Variants in CDH23 observed in about 807,000 individuals in gnomAD.
CDH23 encodes the protein cadherin related 23.
CDH23 carries 189 observed loss-of-function variants against 317.1 expected under a neutral mutation model. That is an observed-to-expected ratio of 0.60 (90% confidence interval 0.53 to 0.67). The LOEUF (loss-of-function observed/expected upper bound fraction) is 0.67, where lower values mean the gene tolerates loss of function less well. CDH23 is among the 30% of genes least tolerant of loss of function. The pLI, the probability that CDH23 is intolerant of heterozygous loss-of-function variation, is 0.00. For missense variants in CDH23, 4,401 were observed against 4,592.4 expected, an observed-to-expected ratio of 0.96 and a Z score of 1.20; for synonymous variants, 1,839 against 1,876.8, an observed-to-expected ratio of 0.98 and a Z score of 0.52.
intron 6 of CDH23, among the ~76,000 whole-genome samples, chr10:71,550,574 A>G (rs1237186020): frequency 3.5e-5 from 4 of 113,336 alleles, no homozygotes; most frequent in Admixed American, 8.1e-5. Context: ...AAAAAAAAAA[A>G]AAAGAAAAAA....
chr10:71,586,460 A>G (rs758009122), intron 9 of CDH23, among the ~76,000 whole-genome samples: 29 of 152,182 alleles, frequency 1.9e-4, no homozygotes, highest in Non-Finnish European at 3.5e-4. Context: ...CTCACGATTA[A>G]CATTGGTCCA....
intron 6 of CDH23, among the ~76,000 whole-genome samples, chr10:71,532,727 G>GTTTTTTTTTTTT (rs200038577): frequency 3.2e-5 from 3 of 93,930 alleles, no homozygotes; most frequent in Admixed American, 1.3e-4. Context: ...TTTTTTTTTT[G>GTTTTTTTTTTTT]TTTTTTTTTT....
At chr10:71,468,347 C>A (rs573804522) in intron 3 of CDH23, among the ~76,000 whole-genome samples, 2 of 152,316 alleles carry the variant, frequency 1.3e-5, no homozygotes, top group Admixed American at 1.3e-4. Flanking sequence ...TGAAGCATTG[C>A]TCTCTTGGTG....
chr10:71,438,719 G>A (rs142843824), intron 1 of CDH23, among the ~76,000 whole-genome samples: 11 of 152,334 alleles, frequency 7.2e-5, no homozygotes, highest in Non-Finnish European at 1.6e-4. Flanking sequence ...ATTGACAAGA[G>A]AGATAGGACA....
chr10:71,688,333 C>A (rs1864990233), intron 19 of CDH23, among the ~76,000 whole-genome samples: 1 of 152,196 alleles, frequency 6.6e-6, no homozygotes, highest in African/African-American at 2.4e-5. Context: ...GCTGCAGTGG[C>A]TGAAGGAGAC....
chr10:71,765,781 G>T (rs1840525846), intron 38 of CDH23, among the ~76,000 whole-genome samples: 1 of 152,018 alleles, frequency 6.6e-6, no homozygotes, highest in South Asian at 2.1e-4. Flanking sequence ...TCCCCTTTTA[G>T]AAAAAAGCTG....
chr10:71,575,468 C>T (rs966682751), intron 8 of CDH23, among the ~76,000 whole-genome samples: 6 of 152,192 alleles, frequency 3.9e-5, no homozygotes, highest in African/African-American at 1.4e-4. Flanking sequence ...GATTCGAGCG[C>T]ACGCAGTCTG....
At chr10:71,628,575 T>C (rs1285594018) in intron 11 of CDH23, among the ~76,000 whole-genome samples, 1 of 152,210 alleles carries the variant, frequency 6.6e-6, no homozygotes, top group Non-Finnish European at 1.5e-5. Flanking sequence ...CTTGGCTCAC[T>C]GCAACCTCCA....
intron 6 of CDH23, among the ~76,000 whole-genome samples, chr10:71,561,785 T>TG (rs1857144241): frequency 6.6e-6 from 1 of 150,580 alleles, no homozygotes; most frequent in Non-Finnish European, 1.5e-5. Flanking sequence ...GGTGTACATT[T>TG]GGGGAGACTT....
chr10:71,466,442 G>A (rs7088703), intron 3 of CDH23, among the ~76,000 whole-genome samples: 25,580 of 152,018 alleles, frequency 0.17, 3,118 homozygotes, highest in African/African-American at 0.34. Flanking sequence ...CCATGTGTGA[G>A]TGTACATGCA....
At chr10:71,467,172 G>T (rs1201492858) in intron 3 of CDH23, among the ~76,000 whole-genome samples, 1 of 109,054 alleles carries the variant, frequency 9.2e-6, no homozygotes, top group Non-Finnish European at 2.1e-5. Flanking sequence ...AAGAGGGAAG[G>T]ACCACCCAGG....
intron 11 of CDH23, among the ~76,000 whole-genome samples, chr10:71,636,949 C>A (rs904306368): frequency 6.6e-6 from 1 of 152,028 alleles, no homozygotes; most frequent in African/African-American, 2.4e-5. Context: ...AAGCAGTGTC[C>A]TCTGCCAGGC....
At chr10:71,581,285 G>A (rs1484849368) in intron 9 of CDH23, among the ~76,000 whole-genome samples, 1 of 152,230 alleles carries the variant, frequency 6.6e-6, no homozygotes, top group Non-Finnish European at 1.5e-5. Context: ...GGCTTTGTAG[G>A]GGGTGGGCAG....
At position 71,687,652 on chromosome 10, in the gene CDH23, G is replaced by A. The variant is rs1864962551; in HGVS notation, c.1992G>A (p.Glu664=). 6.2e-7 allele frequency: 1 copy of A among 1,613,868 alleles called. No homozygotes were observed. The highest frequency in any genetic ancestry group is 8.5e-7 in the Non-Finnish European group (1 of 1,179,878). The change falls in exon 19 of 70, where the codon GAG becomes GAA. Residue 664 remains glutamate (E), a synonymous_variant. Transcript: ENST00000224721. ...TVPVTIEVFD[E]NDNPPTFSKP... is the part of the protein sequence containing the mutation. Reference sequence around the variant, plus strand: ...CCTGTCTGTGTTCCTTCCAGGATGAGAATGACAACCCTCCCACCTTCAGCA... The same window carrying A: ...CCTGTCTGTGTTCCTTCCAGGATGAAAATGACAACCCTCCCACCTTCAGCA...
intron 20 of CDH23, among the ~76,000 whole-genome samples, chr10:71,692,370 TC>T (rs1865217153): frequency 6.6e-6 from 1 of 152,210 alleles, no homozygotes; most frequent in African/African-American, 2.4e-5. Flanking sequence ...CACGACTTTG[TC>T]TCCAAAGGTG....
intron 3 of CDH23, among the ~76,000 whole-genome samples, chr10:71,505,601 G>A (rs964669121): frequency 6.6e-6 from 1 of 152,208 alleles, no homozygotes; most frequent in Non-Finnish European, 1.5e-5. Context: ...GCAGTTAGAA[G>A]TCAGGCTGGT....
chr10:71,707,294 C>G (rs138264369), intron 26 of CDH23: 1 of 1,431,696 alleles, frequency 7.0e-7, no homozygotes, highest in South Asian at 1.5e-5. Context: ...GTTGCAGGGA[C>G]GGGGAGCATC....
At chr10:71,505,272 GT>G (rs1853571882) in intron 3 of CDH23, among the ~76,000 whole-genome samples, 1 of 152,282 alleles carries the variant, frequency 6.6e-6, no homozygotes, top group African/African-American at 2.4e-5. Flanking sequence ...AAGCTGGGCT[GT>G]TTACCTACCT....
At chr10:71,441,645 C>G (rs1365603162) in intron 2 of CDH23, among the ~76,000 whole-genome samples, 2 of 152,050 alleles carry the variant, frequency 1.3e-5, no homozygotes, top group East Asian at 1.9e-4. Flanking sequence ...TCGCTGGAAC[C>G]CAGGAGGCGG....
Sources: gnomAD v4.1 joint callset for allele counts (sites outside exome capture counted in the v4.1 genomes callset) on GRCh38, gnomAD v4.1.1 for gene constraint, MANE v1.5 for transcripts, NCBI Gene and HGNC (gene_info 2026-07-23, HGNC 2026-07-21) for gene names.